Variants in C19orf38 observed in about 807,000 individuals in gnomAD.
C19orf38 encodes the protein chromosome 19 open reading frame 38, also known as protein HIDE1.
A neutral mutation model predicts 26.6 loss-of-function variants in C19orf38; 14 were observed. The observed-to-expected ratio is 0.53, with a 90% CI of 0.35 to 0.82. The LOEUF (loss-of-function observed/expected upper bound fraction) is 0.82, where lower values mean the gene tolerates loss of function less well. Ranked by LOEUF, C19orf38 falls within the 40% of genes least tolerant of loss-of-function variation. C19orf38 has a pLI of 0.01. For missense variants in C19orf38, 261 were observed against 299.5 expected (o/e 0.87, Z 0.95); for synonymous variants, 132 against 128.5 (o/e 1.03, Z -0.18).
upstream of C19orf38, among the ~76,000 whole-genome samples, chr19:10,846,117 G>C (rs2073514439): frequency 6.6e-6 from 1 of 151,418 alleles, no homozygotes; most frequent in Non-Finnish European, 1.5e-5. Context: ...AGCAGGGTGA[G>C]GCTGCAGTGA....
At chr19:10,850,892 T>C (rs1185762718) in intron 2 of C19orf38, among the ~76,000 whole-genome samples, 1 of 152,120 alleles carries the variant, frequency 6.6e-6, no homozygotes, top group African/African-American at 2.4e-5. Context: ...GTGCCAAAAT[T>C]GGTGCTGTGA....
At chr19:10,859,348 GTA>G (rs1164393634) in intron 4 of C19orf38, among the ~76,000 whole-genome samples, 6,291 of 55,128 alleles carry the variant, frequency 0.11, 327 homozygotes, top group South Asian at 0.17. Flanking sequence ...GTGTGTGTGT[GTA>G]TATATATATA....
At chr19:10,855,253 G>A (rs182508423) in intron 2 of C19orf38, among the ~76,000 whole-genome samples, 2 of 151,800 alleles carry the variant, frequency 1.3e-5, no homozygotes, top group Admixed American at 6.6e-5. Flanking sequence ...GGTTGATCTC[G>A]AACTCCTGAC....
At chr19:10,857,665 G>A (rs1048514153) in intron 3 of C19orf38, among the ~76,000 whole-genome samples, 1 of 151,466 alleles carries the variant, frequency 6.6e-6, no homozygotes, top group Non-Finnish European at 1.5e-5. Flanking sequence ...GGCAGATCGC[G>A]AGGTCAGGAG....
At chr19:10,866,341 C>G (rs2073751082) in intron 6 of C19orf38, among the ~76,000 whole-genome samples, 1 of 150,952 alleles carries the variant, frequency 6.6e-6, no homozygotes, top group Non-Finnish European at 1.5e-5. Flanking sequence ...CAGGCGAGCG[C>G]CAGCATGCCC....
intron 5 of C19orf38, among the ~76,000 whole-genome samples, chr19:10,861,900 T>C (rs779138278): frequency 1.4e-4 from 21 of 151,590 alleles, no homozygotes; most frequent in Non-Finnish European, 2.4e-4. Context: ...TTGTTGTTTT[T>C]TGTTTGTTTT....
chr19:10,869,175 C>A, intron 6 of C19orf38, 43 bp from the exon 7 acceptor site: 2 of 1,550,226 alleles, frequency 1.3e-6, no homozygotes, highest in Non-Finnish European at 1.7e-6. Flanking sequence ...GATCCTGAAA[C>A]CCCAAATCAC....
chr19:10,858,252 A>C (rs2073651989), intron 3 of C19orf38, 64 bp from the exon 4 acceptor site: 9 of 1,157,384 alleles, frequency 7.8e-6, no homozygotes, highest in Admixed American at 2.9e-5. Flanking sequence ...AAAAAAAAAA[A>C]CAGAAATTGC....
chr19:10,867,506 T>G (rs1222172405), intron 6 of C19orf38, among the ~76,000 whole-genome samples: 10 of 149,614 alleles, frequency 6.7e-5, no homozygotes, highest in African/African-American at 2.2e-4. Flanking sequence ...TAATACCAGC[T>G]ACTCGGGAGG....
At chr19:10,841,772 C>T (rs993781063) in intron 1 of C19orf38, 10 of 865,410 alleles carry the variant, frequency 1.2e-5, no homozygotes, top group South Asian at 2.9e-5. Flanking sequence ...CAGGAGTTCC[C>T]GACTAGCCTG....
intron 6 of C19orf38, among the ~76,000 whole-genome samples, chr19:10,867,638 A>G (rs925589469): frequency 1.1e-5 from 1 of 89,894 alleles, no homozygotes; most frequent in Non-Finnish European, 2.3e-5. Flanking sequence ...AAGGAAGAAC[A>G]TTCTTTTTTT....
intron 2 of C19orf38, among the ~76,000 whole-genome samples, chr19:10,851,556 G>A (rs1305675055): frequency 4.6e-5 from 7 of 152,066 alleles, no homozygotes; most frequent in East Asian, 1.9e-4. Flanking sequence ...GACCAGGGCC[G>A]GACATGGTAG....
intron 2 of C19orf38, among the ~76,000 whole-genome samples, chr19:10,853,590 C>A (rs2073594697): frequency 6.7e-6 from 1 of 148,718 alleles, no homozygotes; most frequent in African/African-American, 2.5e-5. Context: ...CCAGCTCCCC[C>A]CAATTTTTTT....
At chr19:10,848,623 G>A in intron 1 of C19orf38, 84 bp downstream of exon 1, 1 of 1,348,114 alleles carries the variant, frequency 7.4e-7, no homozygotes. Context: ...GCAGAAACCA[G>A]TGCAGGGGCT....
intron 1 of C19orf38, among the ~76,000 whole-genome samples, chr19:10,837,154 G>T (rs1807821380): frequency 6.6e-6 from 1 of 152,198 alleles, no homozygotes; most frequent in Non-Finnish European, 1.5e-5. Context: ...CTTGTTGAGT[G>T]CTTGCTTCCG....
Position 10,837,502 on chromosome 19 carries a change from C to T in C19orf38, c.-69+732C>T, listed in dbSNP as rs1327360042. Among the ~76,000 whole-genome samples, 284 of 117,442 alleles carry T rather than the reference C, an allele frequency of 2.4e-3. 1 individual carries two copies. The highest frequency in any genetic ancestry group is 4.2e-3 in the Middle Eastern group (1 of 236). The allele number at this position is 117,442 out of a possible 152,430, so 77.0% of individuals were successfully genotyped here. A position where few individuals can be genotyped will look rare whatever the true frequency, so the allele number is the denominator to read the frequency against. ...TTCTTTTTTTTTTTAATTTTTTTTT[C>T]CTTTTTTTTTTTTTTTTTTTTTGAG... On this transcript the variant is annotated intron_variant, in intron 1 of 7. Coordinates refer to the C19orf38 transcript ENST00000592854.
intron 5 of C19orf38, 28 bp from the exon 6 acceptor site, chr19:10,863,142 C>A (rs878927420): frequency 2.6e-6 from 4 of 1,549,788 alleles, no homozygotes; most frequent in Non-Finnish European, 3.5e-6. Context: ...GCCCCCAATC[C>A]TGGGTTTTCT....
intron 6 of C19orf38, among the ~76,000 whole-genome samples, chr19:10,865,707 CCTCTT>C (rs1363143496): frequency 6.6e-6 from 1 of 152,166 alleles, no homozygotes; most frequent in Admixed American, 6.5e-5. Flanking sequence ...CTAAGCCATG[CCTCTT>C]CATCCATTGG....
chr19:10,840,708 G>A (rs140493437), intron 1 of C19orf38, among the ~76,000 whole-genome samples: 25,222 of 152,102 alleles, frequency 0.17, 2,133 homozygotes, highest in Middle Eastern at 0.25. Flanking sequence ...TAGTAGAGAC[G>A]TGGTTTCACC....
Sources: allele counts gnomAD v4.1 joint callset (sites outside exome capture counted in the v4.1 genomes callset), GRCh38; gene constraint gnomAD v4.1.1; transcripts MANE v1.5; gene names NCBI Gene and HGNC (gene_info 2026-07-23, HGNC 2026-07-21).